KCNIP2: variants seen among roughly 807,000 people sequenced by gnomAD.
KCNIP2 encodes potassium voltage-gated channel interacting protein 2, also known as A-type potassium channel modulatory protein KCNIP2.
A neutral mutation model predicts 39.0 loss-of-function variants in KCNIP2; 19 were observed. That is an observed-to-expected ratio of 0.49 (90% CI 0.34 to 0.71). The LOEUF (loss-of-function observed/expected upper bound fraction) is 0.71. Among genes scored for constraint, KCNIP2 ranks in the 30% least tolerant of loss-of-function variants. The pLI, the probability that KCNIP2 is intolerant of heterozygous loss-of-function variation, is 0.01. For missense variants in KCNIP2, 261 were observed against 346.0 expected (o/e 0.75, Z 1.95); for synonymous variants, 111 against 131.2 (o/e 0.85, Z 1.05).
At chr10:101,832,296 CTGTG>C (rs57005983) in intron 1 of KCNIP2, among the ~76,000 whole-genome samples, 20,192 of 139,876 alleles carry the variant, frequency 0.14, 1,469 homozygotes, top group Middle Eastern at 0.2. Context: ...CTCAGTGTTA[CTGTG>C]TGTGTGTGTG....
At chr10:101,835,766 G>A (rs1386745519) in intron 1 of KCNIP2, among the ~76,000 whole-genome samples, 2 of 152,080 alleles carry the variant, frequency 1.3e-5, no homozygotes, top group Non-Finnish European at 2.9e-5. Context: ...GCTGGCTAAC[G>A]GTGACTGAGC....
At position 101,828,419 on chromosome 10, in the gene KCNIP2, G is replaced by A. The variant is rs199790708; in HGVS notation, c.459C>T (p.Asp153=). Residue 153 remains aspartate (D), a synonymous_variant, in exon 6 of 10, where the codon GAC becomes GAT. Transcript: ENST00000356640. This position sits in a 1 kb window ranked among gnomAD's most constrained non-coding sequence, Gnocchi z 6.6. ...TYATFLFNAF[D]TNHDGSVSFE... ...AACTGACCGAGCCATCATGGTTGGT[G>A]TCAAAGGCATTGAAGAGAAAAGTGG... is the stretch of plus-strand genomic sequence containing the variant. 5.8e-5 allele frequency: 94 copies of A among 1,614,154 alleles called. No individual in the cohort carries two copies. The highest frequency in any genetic ancestry group is 1.6e-4 in the Middle Eastern group (1 of 6,062).
intron 1 of KCNIP2, among the ~76,000 whole-genome samples, chr10:101,837,899 T>C (rs1056121749): frequency 1.3e-5 from 2 of 152,218 alleles, no homozygotes; most frequent in African/African-American, 4.8e-5. Flanking sequence ...AGCCCCTTCT[T>C]GCTCCCTGCT....
At chr10:101,842,811 A>G (rs899953743) in intron 1 of KCNIP2, among the ~76,000 whole-genome samples, 14 of 152,196 alleles carry the variant, frequency 9.2e-5, no homozygotes, top group African/African-American at 3.4e-4. Context: ...CCCGCTGCAG[A>G]CATCACCACA....
In KCNIP2 at chr10:101,828,788, G is replaced by C. The variant is rs763792601; in HGVS notation, c.349-92C>G. ...CCATGGCCCAAGACTCCCAGGGAGG[G>C]GGATAATCTTCAAGCCTCCAGAGGA... On this transcript the variant is annotated intron_variant, in intron 4 of 9. Coordinates refer to ENST00000356640, the MANE Select transcript of KCNIP2 (RefSeq NM_173191.3). This position sits in a 1 kb window ranked among gnomAD's most constrained non-coding sequence, Gnocchi z 6.6. 3 of 1,608,392 alleles carry C rather than the reference G, an allele frequency of 1.9e-6. No homozygotes were observed. The African/African-American group carries it at 4.0e-5, about 22-fold the overall frequency.
chr10:101,830,040 C>A, intron 2 of KCNIP2, 143 bp from the exon 3 acceptor site: 3 of 932,414 alleles, frequency 3.2e-6, no homozygotes, highest in Non-Finnish European at 3.3e-6. Context: ...ACGAAACGGA[C>A]CCCATGCACA....
intron 1 of KCNIP2, among the ~76,000 whole-genome samples, chr10:101,841,305 G>A (rs1010325877): frequency 2.6e-5 from 4 of 152,200 alleles, no homozygotes; most frequent in African/African-American, 9.7e-5. Flanking sequence ...CAGGGAAGGG[G>A]AGGCGAAGCC....
rs1267609005 is a variant in KCNIP2, at chr10:101,828,826, C to T, written c.349-130G>A. On this transcript the variant is annotated intron_variant, in intron 4 of 9. Transcript: ENST00000356640. This position sits in a 1 kb window ranked among gnomAD's most constrained non-coding sequence, Gnocchi z 6.6. ...AGCCTCCAGAGGACTCACCACGTGG[C>T]TCATGTGATGGGAGGGAAGACTTCT... The T allele has an allele frequency of 6.3e-7, 1 of 1,581,758 alleles. No homozygotes were observed. The highest frequency in any genetic ancestry group is 2.3e-5 in the East Asian group (1 of 43,196).
At chr10:101,831,500 G>A (rs1271032443) in intron 1 of KCNIP2, among the ~76,000 whole-genome samples, 7 of 152,110 alleles carry the variant, frequency 4.6e-5, no homozygotes, top group Non-Finnish European at 8.8e-5. Flanking sequence ...CCAACCCAAG[G>A]ATTGCCTGGG....
At chr10:101,840,287 G>A (rs2066291957) in intron 1 of KCNIP2, among the ~76,000 whole-genome samples, 1 of 145,442 alleles carries the variant, frequency 6.9e-6, no homozygotes, top group Non-Finnish European at 1.5e-5. Flanking sequence ...AAGAGCCGAA[G>A]GGGTAAGAGG....
At chr10:101,830,531 G>C in intron 2 of KCNIP2, 1 of 1,104,972 alleles carries the variant, frequency 9.1e-7, no homozygotes, top group Non-Finnish European at 1.2e-6. Flanking sequence ...CCACACTCTC[G>C]GGTCCCACAG....
Position 101,831,172 on chromosome 10 carries a change from G to T in KCNIP2, c.74-5C>A. 6.3e-7 allele frequency: 1 copy of T among 1,593,024 alleles called. No individual in the cohort carries two copies. On this transcript the variant is annotated splice_polypyrimidine_tract_variant and splice_region_variant and intron_variant, in intron 1 of 9. Coordinates refer to ENST00000356640, the MANE Select transcript of KCNIP2 (RefSeq NM_173191.3). ...TAGTGGGCCCTGGAGGGTGGCCTGG[G>T]AAGAGAGAAGACCCCAGGAAGGCAC...
At position 101,828,511 on chromosome 10, in the gene KCNIP2, C is replaced by T. The variant is rs2065829544; in HGVS notation, c.419-52G>A. 1 of 1,605,294 alleles carries T rather than the reference C, an allele frequency of 6.2e-7. No homozygotes were observed. Among genetic ancestry groups the T allele is most frequent in the South Asian group, 1.1e-5 (1 of 90,540 alleles). ...CTTCCACACAGGAGAGGACTTCCTC[C>T]CTCTAAGGAGCTCCCCATACCCCCC... On this transcript the variant is annotated intron_variant, in intron 5 of 9. Coordinates refer to ENST00000356640, the MANE Select transcript of KCNIP2 (RefSeq NM_173191.3). The surrounding 1 kb of genome is among the most constrained non-coding windows in gnomAD (Gnocchi z 6.6).
intron 1 of KCNIP2, chr10:101,834,221 T>G (rs2066078392): frequency 5.0e-6 from 2 of 398,860 alleles, no homozygotes; most frequent in Admixed American, 8.8e-5. Context: ...GTGGGGCAGC[T>G]GCCCCACCAG....
At chr10:101,830,952 C>A (rs1290279319) in intron 2 of KCNIP2, 120 bp downstream of exon 2, 2 of 923,964 alleles carry the variant, frequency 2.2e-6, no homozygotes, top group African/African-American at 1.6e-5. Context: ...CGCCCCCCCA[C>A]ACATGCAGGC....
chr10:101,840,549 C>CG (rs2066299789), intron 1 of KCNIP2, among the ~76,000 whole-genome samples: 1 of 21,824 alleles, frequency 4.6e-5, no homozygotes, highest in African/African-American at 1.9e-4. Context: ...GCCCCCCCCG[C>CG]ACCCCCCCCC....
Position 101,838,858 on chromosome 10 carries a change from CTGTT to C in KCNIP2, c.73+4634_73+4637del, listed in dbSNP as rs2066238252. 6.6e-6 allele frequency among the ~76,000 whole-genome samples: 1 copy of C among 152,178 alleles called. No homozygotes were observed. The highest frequency in any genetic ancestry group is 6.5e-5 in the Admixed American group (1 of 15,284). On this transcript the variant is annotated intron_variant, in intron 1 of 9. Transcript: ENST00000356640. The surrounding 1 kb of genome is among the most constrained non-coding windows in gnomAD (Gnocchi z 4.0). ...TGCCACAGGACCAGGTTGTTTTGGT[CTGTT>C]TGAGGTCAGGTACAGAGGAGACGTT...
intron 1 of KCNIP2, among the ~76,000 whole-genome samples, chr10:101,839,332 T>C (rs556377898): frequency 6.6e-6 from 1 of 152,326 alleles, no homozygotes; most frequent in South Asian, 2.1e-4. Context: ...GGTTTTTTCC[T>C]TCTGGACACT....
At position 101,843,471 on chromosome 10, in the gene KCNIP2, C is replaced by A. The variant is rs201734051; in HGVS notation, c.73+25G>T. ...GAGGAATGGAATCCACCCTCCCTCCCGCGACCCCCACGTCACTGACTCACC... is the reference window on the plus strand; with the variant it reads ...GAGGAATGGAATCCACCCTCCCTCCAGCGACCCCCACGTCACTGACTCACC... On this transcript the variant is annotated intron_variant, in intron 1 of 9. Coordinates refer to ENST00000356640, the MANE Select transcript of KCNIP2 (RefSeq NM_173191.3). This position sits in a 1 kb window ranked among gnomAD's most constrained non-coding sequence, Gnocchi z 6.7. The A allele has an allele frequency of 6.8e-5, 102 of 1,494,026 alleles. No homozygotes were observed. The highest frequency in any genetic ancestry group is 8.7e-5 in the Non-Finnish European group (97 of 1,111,434). 92.5% of individuals were successfully genotyped at this position (1,494,026 alleles called of 1,614,324 possible).
Sources: gnomAD v4.1 joint callset for allele counts (sites outside exome capture counted in the v4.1 genomes callset) on GRCh38, gnomAD v4.1.1 for gene constraint, Gnocchi (gnomAD v3.1) non-coding constraint, MANE v1.5 for transcripts, NCBI Gene and HGNC (gene_info 2026-07-23, HGNC 2026-07-21) for gene names.